The following ATP10B variants were observed in gnomAD, a reference collection of about 807,000 sequenced individuals.
ATP10B encodes ATPase phospholipid transporting 10B (putative), also known as phospholipid-transporting ATPase VB.
In ATP10B, 122 loss-of-function variants were observed where a neutral mutation model predicts 141.2. The ratio of observed to expected loss-of-function variants is 0.86; its 90% CI spans 0.75 to 1.00. The LOEUF is 1.00. Ranked by LOEUF, ATP10B falls within the 50% of genes least tolerant of loss-of-function variation. The pLI is 0.00. For synonymous variants in ATP10B, 685 were observed against 692.0 expected (o/e 0.99, Z 0.16); for missense variants, 1,876 against 1,825.3 (o/e 1.03, Z -0.51).
intron 1 of ATP10B, among the ~76,000 whole-genome samples, chr5:160,836,212 C>G (rs1016973741): frequency 6.6e-6 from 1 of 152,054 alleles, no homozygotes; most frequent in Admixed American, 6.6e-5. Flanking sequence ...ATCCATATAA[C>G]AAAATTGCAC....
At chr5:160,832,988 T>C (rs1775195066) in intron 1 of ATP10B, among the ~76,000 whole-genome samples, 1 of 152,054 alleles carries the variant, frequency 6.6e-6, no homozygotes, top group Non-Finnish European at 1.5e-5. Flanking sequence ...GTGTGCCAAG[T>C]GCGTAGTGTT....
intron 13 of ATP10B, among the ~76,000 whole-genome samples, chr5:160,624,311 G>C (rs1202767023): frequency 1.3e-5 from 2 of 152,186 alleles, no homozygotes; most frequent in Non-Finnish European, 2.9e-5. Flanking sequence ...TGGCACAGGA[G>C]AGCCAGAGGG....
chr5:160,879,795 G>A, the ATP10B span, among the ~76,000 whole-genome samples: 129 of 152,152 alleles, frequency 8.5e-4, no homozygotes, highest in African/African-American at 3.0e-3. Flanking sequence ...CCGAGATGGC[G>A]CCACTGCACT....
At chr5:160,661,313 TA>T (rs1272367431) in intron 7 of ATP10B, among the ~76,000 whole-genome samples, 1 of 152,074 alleles carries the variant, frequency 6.6e-6, no homozygotes, top group African/African-American at 2.4e-5. Flanking sequence ...ACTTACAGAA[TA>T]AAAGAGATTA....
At chr5:160,649,541 T>TA (rs1488486240) in intron 7 of ATP10B, among the ~76,000 whole-genome samples, 1 of 152,216 alleles carries the variant, frequency 6.6e-6, no homozygotes, top group Non-Finnish European at 1.5e-5. Context: ...TAATAGAACT[T>TA]ACTGCAATGA....
intron 1 of ATP10B, among the ~76,000 whole-genome samples, chr5:160,822,104 A>T (rs1221520676): frequency 6.6e-6 from 1 of 152,146 alleles, no homozygotes; most frequent in Non-Finnish European, 1.5e-5. Context: ...ATATTTGCAA[A>T]CTACCCATCT....
chr5:160,774,148 G>A (rs1332966084), intron 2 of ATP10B, among the ~76,000 whole-genome samples: 1 of 150,918 alleles, frequency 6.6e-6, no homozygotes, highest in South Asian at 2.1e-4. Context: ...CGTTTCCAGT[G>A]TAACCCCAGG....
At chr5:160,878,487 T>C in the ATP10B span, among the ~76,000 whole-genome samples, 1 of 152,342 alleles carries the variant, frequency 6.6e-6, no homozygotes, top group South Asian at 2.1e-4. Context: ...GGACACTTCA[T>C]GTCCAAAACA....
chr5:160,673,324 G>T (rs1445255480), intron 6 of ATP10B, among the ~76,000 whole-genome samples: 1 of 152,010 alleles, frequency 6.6e-6, no homozygotes, highest in African/African-American at 2.4e-5. Flanking sequence ...TATTTATGGG[G>T]TACATGGGAT....
intron 2 of ATP10B, among the ~76,000 whole-genome samples, chr5:160,745,233 T>C (rs184045334): frequency 1.3e-5 from 2 of 152,338 alleles, no homozygotes; most frequent in East Asian, 3.9e-4. Context: ...ATTTCACTTT[T>C]TTTTAAAAAG....
intron 1 of ATP10B, among the ~76,000 whole-genome samples, chr5:160,827,815 T>G (rs1383663308): frequency 6.6e-6 from 1 of 152,172 alleles, no homozygotes; most frequent in Non-Finnish European, 1.5e-5. Context: ...CAGCACAATT[T>G]ATTGAAAAGC....
chr5:160,583,507 A>G lies in ATP10B; in HGVS notation c.3750+6085T>C, dbSNP rs116010064. Among the ~76,000 whole-genome samples, 1,435 of 152,302 alleles carry G rather than the reference A, an allele frequency of 9.4e-3. 18 individuals carry two copies. The highest frequency in any genetic ancestry group is 0.033 in the African/African-American group (1,355 of 41,562). On this transcript the variant is annotated intron_variant, in intron 24 of 25. Coordinates refer to ENST00000327245, the MANE Select transcript of ATP10B (RefSeq NM_025153.3). ...ACTTTCCTGTATGAGGTGTCTCCCA[A>G]TCAGGAAGCACAGGGGTCAGGGACC...
At chr5:160,857,307 G>T in the ATP10B span, among the ~76,000 whole-genome samples, 1 of 151,000 alleles carries the variant, frequency 6.6e-6, no homozygotes, top group African/African-American at 2.4e-5. Context: ...TTTTTTTTAA[G>T]GAATTGGTCC....
At chr5:160,678,657 C>CA (rs945462088) in intron 6 of ATP10B, among the ~76,000 whole-genome samples, 7 of 152,086 alleles carry the variant, frequency 4.6e-5, no homozygotes, top group African/African-American at 1.7e-4. Flanking sequence ...CAAAACAGAA[C>CA]AAAAAACAAA....
chr5:160,748,025 G>A (rs1288838240), intron 2 of ATP10B, among the ~76,000 whole-genome samples: 8 of 150,544 alleles, frequency 5.3e-5, no homozygotes, highest in African/African-American at 2.0e-4. Flanking sequence ...AAGCGGCCGG[G>A]GTTGTGGCGG....
the ATP10B span, among the ~76,000 whole-genome samples, chr5:160,922,654 CA>C: frequency 6.6e-6 from 1 of 152,316 alleles, no homozygotes; most frequent in Non-Finnish European, 1.5e-5. Context: ...GCAAACCAAA[CA>C]AAAACCAATC....
chr5:160,859,181 C>T, the ATP10B span, among the ~76,000 whole-genome samples: 2 of 151,812 alleles, frequency 1.3e-5, no homozygotes, highest in Admixed American at 6.6e-5. Context: ...TTTGTTTTCA[C>T]ATATAGCATT....
At chr5:160,650,719 G>A (rs1018533810) in intron 7 of ATP10B, among the ~76,000 whole-genome samples, 6 of 152,188 alleles carry the variant, frequency 3.9e-5, no homozygotes, top group Admixed American at 6.5e-5. Context: ...TATGTCTTCA[G>A]ATGAATGCAC....
At chr5:160,893,211 C>T in the ATP10B span, among the ~76,000 whole-genome samples, 4,453 of 152,198 alleles carry the variant, frequency 0.029, 107 homozygotes, top group Non-Finnish European at 0.044. Flanking sequence ...ATTCACTCCC[C>T]TGAAAAGGGG....
Sources: allele counts gnomAD v4.1 joint callset (sites outside exome capture counted in the v4.1 genomes callset), GRCh38; gene constraint gnomAD v4.1.1; transcripts MANE v1.5; gene names NCBI Gene and HGNC (gene_info 2026-07-23, HGNC 2026-07-21).